The following NLGN1 variants were observed in gnomAD, a reference collection of about 807,000 sequenced individuals.
NLGN1 encodes neuroligin-1.
In NLGN1, 12 loss-of-function variants were observed where a neutral mutation model predicts 65.5. The ratio of observed to expected loss-of-function variants is 0.18; its 90% CI spans 0.12 to 0.30. The LOEUF is 0.30. NLGN1 is among the 10% of genes least tolerant of loss of function. NLGN1 has a pLI of 1.00. For missense variants in NLGN1, 750 were observed against 1,007.1 expected (o/e 0.74, Z 3.46); for synonymous variants, 350 against 359.5 (o/e 0.97, Z 0.30).
chr3:173,902,652 C>T (rs144277548), intron 4 of NLGN1, among the ~76,000 whole-genome samples: 40 of 152,164 alleles, frequency 2.6e-4, no homozygotes, highest in African/African-American at 8.9e-4. Context: ...TTTCAACAGA[C>T]TTTATAGCCT....
intron 4 of NLGN1, among the ~76,000 whole-genome samples, chr3:173,824,724 G>C (rs1449162598): frequency 6.6e-6 from 1 of 151,918 alleles, no homozygotes; most frequent in Non-Finnish European, 1.5e-5. Flanking sequence ...TCATATGATC[G>C]TGCTGTGTCT....
intron 1 of NLGN1, among the ~76,000 whole-genome samples, chr3:173,422,280 A>G (rs1036508941): frequency 2.0e-5 from 3 of 152,186 alleles, no homozygotes; most frequent in African/African-American, 7.2e-5. Flanking sequence ...CAGAAAGACA[A>G]ATATCACATG....
chr3:174,275,698 C>CTCT (rs1561453979), intron 5 of NLGN1, among the ~76,000 whole-genome samples, 171 bp downstream of exon 5: 2 of 151,948 alleles, frequency 1.3e-5, no homozygotes, highest in East Asian at 1.9e-4. Context: ...TTTCGTCAAA[C>CTCT]TCTTTTCTTT....
At chr3:174,292,189 C>T in the NLGN1 span, among the ~76,000 whole-genome samples, 1 of 151,166 alleles carries the variant, frequency 6.6e-6, no homozygotes, top group South Asian at 2.1e-4. Flanking sequence ...TCAGAATGAA[C>T]ACTTTAAAAA....
At chr3:174,100,050 T>A (rs2152573042) in intron 4 of NLGN1, among the ~76,000 whole-genome samples, 1 of 152,246 alleles carries the variant, frequency 6.6e-6, no homozygotes, top group East Asian at 1.9e-4. Flanking sequence ...TAATTTAGTT[T>A]GTTTGGGTTT....
chr3:174,273,808 C>G (rs1749959432), intron 4 of NLGN1, among the ~76,000 whole-genome samples: 1 of 151,634 alleles, frequency 6.6e-6, no homozygotes, highest in African/African-American at 2.4e-5. Flanking sequence ...TAAGCACTTT[C>G]ATTTCTTCAA....
At chr3:174,121,581 AATAAGAAAAATAATATTTGCTCC>A (rs1314233995) in intron 4 of NLGN1, among the ~76,000 whole-genome samples, 1 of 152,218 alleles carries the variant, frequency 6.6e-6, no homozygotes, top group Non-Finnish European at 1.5e-5. Context: ...AGCACAGGAA[AATAAGAAAAATAATATTTGCTCC>A]ATAGCTATGG....
chr3:173,908,643 C>A (rs1738934700), intron 4 of NLGN1, among the ~76,000 whole-genome samples: 1 of 152,126 alleles, frequency 6.6e-6, no homozygotes. Flanking sequence ...CATGGTACAG[C>A]CTACGTGTAG....
chr3:173,733,700 G>A (rs1427720830), intron 3 of NLGN1, among the ~76,000 whole-genome samples: 1 of 152,044 alleles, frequency 6.6e-6, no homozygotes, highest in Non-Finnish European at 1.5e-5. Context: ...TTTTTGCTGT[G>A]TATTAGAATG....
intron 2 of NLGN1, among the ~76,000 whole-genome samples, chr3:173,556,284 A>C (rs1277689596): frequency 6.6e-6 from 1 of 152,164 alleles, no homozygotes; most frequent in Admixed American, 6.5e-5. Context: ...TTCTGTGTAC[A>C]AGCACACATT....
At chr3:174,095,292 A>T (rs1561029244) in intron 4 of NLGN1, among the ~76,000 whole-genome samples, 1 of 151,962 alleles carries the variant, frequency 6.6e-6, no homozygotes. Flanking sequence ...AAATTTGGCT[A>T]AAGAAGAAAA....
At chr3:173,877,883 G>A (rs556350384) in intron 4 of NLGN1, among the ~76,000 whole-genome samples, 2 of 152,046 alleles carry the variant, frequency 1.3e-5, no homozygotes, top group Non-Finnish European at 2.9e-5. Context: ...GAAAACTGAG[G>A]CAAACAGAGA....
At chr3:173,689,450 T>C (rs1410774828) in intron 3 of NLGN1, among the ~76,000 whole-genome samples, 1 of 152,104 alleles carries the variant, frequency 6.6e-6, no homozygotes, top group Non-Finnish European at 1.5e-5. Flanking sequence ...AACACACCCC[T>C]GCTGAAATGG....
At chr3:173,627,583 G>A (rs568957484) in intron 3 of NLGN1, among the ~76,000 whole-genome samples, 4 of 151,958 alleles carry the variant, frequency 2.6e-5, no homozygotes, top group Admixed American at 6.6e-5. Context: ...AGATCATATG[G>A]TAGTTTTATT....
intron 3 of NLGN1, among the ~76,000 whole-genome samples, chr3:173,784,240 G>C (rs1309194681): frequency 6.6e-6 from 1 of 152,082 alleles, no homozygotes; most frequent in African/African-American, 2.4e-5. Context: ...TGTAAAACTT[G>C]AGTTTCAACA....
At chr3:174,268,217 G>A (rs1207148804) in intron 4 of NLGN1, among the ~76,000 whole-genome samples, 2 of 152,068 alleles carry the variant, frequency 1.3e-5, no homozygotes, top group Non-Finnish European at 2.9e-5. Flanking sequence ...AGGCCTTTTA[G>A]AAGAGATATT....
intron 2 of NLGN1, among the ~76,000 whole-genome samples, chr3:173,552,825 A>C (rs1741096791): frequency 6.6e-6 from 1 of 152,172 alleles, no homozygotes; most frequent in South Asian, 2.1e-4. Flanking sequence ...GGTACTGTTA[A>C]TGTTTTGTCA....
At chr3:174,240,387 T>C (rs965205444) in intron 4 of NLGN1, among the ~76,000 whole-genome samples, 3 of 152,224 alleles carry the variant, frequency 2.0e-5, no homozygotes, top group Middle Eastern at 3.4e-3. Flanking sequence ...ATGGAAGAAT[T>C]TTCTTGAGTT....
chr3:173,558,971 C>T (rs148503945), intron 2 of NLGN1, among the ~76,000 whole-genome samples: 6 of 152,192 alleles, frequency 3.9e-5, no homozygotes, highest in African/African-American at 1.4e-4. Context: ...AATCCTCGGT[C>T]AGAATTTTTT....
Sources: gnomAD v4.1 joint callset for allele counts (sites outside exome capture counted in the v4.1 genomes callset) on GRCh38, gnomAD v4.1.1 for gene constraint, MANE v1.5 for transcripts, NCBI Gene and HGNC (gene_info 2026-07-23, HGNC 2026-07-21) for gene names.